The following SLC43A2 variants were observed in gnomAD, a reference collection of about 807,000 sequenced individuals.
SLC43A2 encodes large neutral amino acids transporter small subunit 4.
Under a neutral mutation model 63.2 loss-of-function variants are expected in SLC43A2, and 38 were observed. That is an observed-to-expected ratio of 0.60 (90% confidence interval 0.46 to 0.79). SLC43A2 has a LOEUF of 0.79. Ranked by LOEUF, SLC43A2 falls within the 30% of genes least tolerant of loss-of-function variation. The pLI is 0.00. For synonymous variants in SLC43A2, 322 were observed against 331.0 expected, an observed-to-expected ratio of 0.97 and a Z score of 0.30; for missense variants, 644 against 756.2, an observed-to-expected ratio of 0.85 and a Z score of 1.74.
intron 10 of SLC43A2, 74 bp downstream of exon 10, chr17:1,585,839 C>T: frequency 6.2e-7 from 1 of 1,609,060 alleles, no homozygotes. Context: ...CCACCCTGTG[C>T]CTGACATGCA....
chr17:1,626,196 T>G, intron 2 of SLC43A2, among the ~76,000 whole-genome samples: 1 of 142,038 alleles, frequency 7.0e-6, no homozygotes. Flanking sequence ...TTTTAAACCC[T>G]GTGTCCAGCC....
chr17:1,591,774 G>T, intron 6 of SLC43A2, 75 bp from the exon 7 acceptor site: 1 of 1,201,732 alleles, frequency 8.3e-7, no homozygotes, highest in Non-Finnish European at 1.2e-6. Flanking sequence ...GCCGCAGCAG[G>T]CAGGGGCGTC....
intron 9 of SLC43A2, chr17:1,586,928 T>TGGGCCCCCCCCCCCCCCCCCCC: frequency 7.3e-6 from 9 of 1,232,858 alleles, no homozygotes; most frequent in Middle Eastern, 1.9e-4. Context: ...TCCCTGACAA[T>TGGGCCCCCCCCCCCCCCCCCCC]CCCCCCCACC....
At chr17:1,600,152 A>ATATATATATATATATATATTTTT (rs1216616243) in intron 5 of SLC43A2, among the ~76,000 whole-genome samples, 1 of 60,280 alleles carries the variant, frequency 1.7e-5, no homozygotes, top group African/African-American at 5.4e-5. Flanking sequence ...ATATATATAT[A>ATATATATATATATATATATTTTT]TTTTTTTTTT....
intron 2 of SLC43A2, 77 bp from the exon 3 acceptor site, chr17:1,616,846 T>C (rs1455524137): frequency 6.6e-6 from 10 of 1,515,260 alleles, no homozygotes; most frequent in Non-Finnish European, 9.0e-6. Flanking sequence ...CAGGTGCCCA[T>C]TCAGAGTCCC....
chr17:1,620,218 T>A (rs1023355661), intron 2 of SLC43A2, among the ~76,000 whole-genome samples: 3 of 151,924 alleles, frequency 2.0e-5, no homozygotes, highest in African/African-American at 7.3e-5. Flanking sequence ...TACAAAAAAA[T>A]TTAGCCAGGC....
chr17:1,618,445 G>A (rs760510126), intron 2 of SLC43A2, among the ~76,000 whole-genome samples: 11 of 152,320 alleles, frequency 7.2e-5, no homozygotes, highest in Middle Eastern at 3.4e-3. Flanking sequence ...TGCTGTTCTC[G>A]TGGTTATCAT....
At chr17:1,618,097 T>C (rs1313748994) in intron 2 of SLC43A2, among the ~76,000 whole-genome samples, 4 of 152,222 alleles carry the variant, frequency 2.6e-5, no homozygotes, top group African/African-American at 9.6e-5. Flanking sequence ...TTGCAAAAGC[T>C]TGCTCAGGCC....
chr17:1,576,291 C>T (rs1260599256), intron 13 of SLC43A2, among the ~76,000 whole-genome samples: 1 of 152,040 alleles, frequency 6.6e-6, no homozygotes, highest in Non-Finnish European at 1.5e-5. Flanking sequence ...ACCATGTTGG[C>T]CAGGCTGGTC....
chr17:1,597,809 AAAAAAGAAAAAAG>A (rs1458295688), intron 5 of SLC43A2, among the ~76,000 whole-genome samples: 1 of 152,070 alleles, frequency 6.6e-6, no homozygotes, highest in Non-Finnish European at 1.5e-5. Context: ...AAAAAGAAAA[AAAAAAGAAAAAAG>A]AAAAAGAAAA....
intron 5 of SLC43A2, among the ~76,000 whole-genome samples, chr17:1,597,208 G>A (rs1195549515): frequency 7.6e-6 from 1 of 130,830 alleles, no homozygotes; most frequent in East Asian, 2.4e-4. Context: ...GCAAGACTAC[G>A]TTTTAAAAAA....
chr17:1,588,742 A>G (rs1036049795), intron 9 of SLC43A2, among the ~76,000 whole-genome samples: 9 of 149,690 alleles, frequency 6.0e-5, no homozygotes, highest in African/African-American at 2.2e-4. Flanking sequence ...CCCAGCTGCC[A>G]GCACCCTGGC....
In SLC43A2 at chr17:1,590,736, C is replaced by G. The variant is rs534649564; in HGVS notation, c.1078+66G>C. On this transcript the variant is annotated intron_variant, in intron 9 of 13. Coordinates refer to ENST00000301335, the MANE Select transcript of SLC43A2 (RefSeq NM_152346.3). ...CCCGGCTCAGCTTAACACATTCTGGCCGGTGGCCAGTGGGCTGGGCTCAGG... is the reference window on the plus strand; with the variant it reads ...CCCGGCTCAGCTTAACACATTCTGGGCGGTGGCCAGTGGGCTGGGCTCAGG... 41 of 1,538,772 alleles carry G rather than the reference C, an allele frequency of 2.7e-5. No individual in the cohort carries two copies. The African/African-American group carries it at 5.3e-4, about 20-fold the overall frequency.
intron 5 of SLC43A2, among the ~76,000 whole-genome samples, chr17:1,600,043 CAA>C (rs562524209): frequency 1.1e-5 from 1 of 88,600 alleles, no homozygotes; most frequent in Non-Finnish European, 2.3e-5. Context: ...GACTCCGTCT[CAA>C]AAAAAAAAAA....
chr17:1,594,640 T>G (rs1245185374), intron 5 of SLC43A2, among the ~76,000 whole-genome samples: 1 of 135,658 alleles, frequency 7.4e-6, no homozygotes, highest in African/African-American at 2.7e-5. Context: ...CAGGCTGTAC[T>G]GCAGTGGCTC....
chr17:1,581,440 A>C (rs748578357), intron 11 of SLC43A2, among the ~76,000 whole-genome samples: 11 of 152,214 alleles, frequency 7.2e-5, no homozygotes, highest in Non-Finnish European at 1.0e-4. Context: ...GGGCCGGCAC[A>C]AATGTTCCAC....
chr17:1,607,804 C>T (rs563414247), intron 5 of SLC43A2, among the ~76,000 whole-genome samples: 1 of 152,230 alleles, frequency 6.6e-6, no homozygotes, highest in South Asian at 2.1e-4. Flanking sequence ...CAACCTCTGC[C>T]TCCCGGGTTC....
chr17:1,583,867 TTTTTG>T lies in SLC43A2; in HGVS notation c.1218-536_1218-532del, dbSNP rs1022511452. ...CCTGACCTAGATAGCACAGCACTGT[TTTTTG>T]TTTTGTTTTGTTTTGTTTTTTTGTT... On this transcript the variant is annotated intron_variant, in intron 10 of 13. Transcript: ENST00000301335. The surrounding 1 kb of genome is among the most constrained non-coding windows in gnomAD (Gnocchi z 5.5). Among the ~76,000 whole-genome samples, 11 of 152,056 alleles carry T rather than the reference TTTTTG, an allele frequency of 7.2e-5. No homozygotes were observed. The highest frequency in any genetic ancestry group is 1.3e-4 in the Non-Finnish European group (9 of 67,940).
chr17:1,578,642 C>T lies in SLC43A2; in HGVS notation c.1351-319G>A, dbSNP rs1202702024. 3 of 298,608 alleles carry T rather than the reference C, an allele frequency of 1.0e-5. No individual in the cohort carries two copies. The highest frequency in any genetic ancestry group is 6.3e-5 in the East Asian group (1 of 15,864). 18.5% of individuals were successfully genotyped at this position (298,608 alleles called of 1,614,324 possible). A position where few individuals can be genotyped will look rare whatever the true frequency, so the allele number is the denominator to read the frequency against. On this transcript the variant is annotated intron_variant, in intron 11 of 13. Transcript: ENST00000301335. This position sits in a 1 kb window ranked among gnomAD's most constrained non-coding sequence, Gnocchi z 6.5. ...TCCTGGATTCAAGCAATTCTCCTGCCTCAGCCTTCGGAGTAGCTAGGATTA... is the reference window on the plus strand; with the variant it reads ...TCCTGGATTCAAGCAATTCTCCTGCTTCAGCCTTCGGAGTAGCTAGGATTA...
Sources: gnomAD v4.1 joint callset for allele counts (sites outside exome capture counted in the v4.1 genomes callset) on GRCh38, gnomAD v4.1.1 for gene constraint, Gnocchi (gnomAD v3.1) non-coding constraint, MANE v1.5 for transcripts, NCBI Gene and HGNC (gene_info 2026-07-23, HGNC 2026-07-21) for gene names.